PCDHGB2: variants seen among roughly 807,000 people sequenced by gnomAD.
PCDHGB2 encodes the protein protocadherin gamma-B2.
Under a neutral mutation model 59.3 loss-of-function variants are expected in PCDHGB2, and 55 were observed. The ratio of observed to expected loss-of-function variants is 0.93; its 90% CI spans 0.75 to 1.16. The LOEUF (loss-of-function observed/expected upper bound fraction) is 1.16. Ranked by LOEUF, PCDHGB2 falls within the 50% of genes most tolerant of loss-of-function variation. The pLI is 0.00. For missense variants in PCDHGB2, 1,228 were observed against 1,198.5 expected, an observed-to-expected ratio of 1.02 and a Z score of -0.36; for synonymous variants, 516 against 512.0, an observed-to-expected ratio of 1.01 and a Z score of -0.11.
intron 1 of PCDHGB2, chr5:141,414,260 A>G: frequency 6.2e-7 from 1 of 1,613,444 alleles, no homozygotes; most frequent in Non-Finnish European, 8.5e-7. Context: ...CCAGTGACTG[A>G]AGATTCACCT....
chr5:141,411,285 A>C (rs2095477948), intron 1 of PCDHGB2: 1 of 152,218 alleles, frequency 6.6e-6, no homozygotes, highest in South Asian at 2.1e-4. Flanking sequence ...AAAAATATTC[A>C]GAAGACAGGC....
intron 1 of PCDHGB2, chr5:141,433,257 G>T: frequency 7.2e-7 from 1 of 1,385,416 alleles, no homozygotes; most frequent in Non-Finnish European, 9.9e-7. Context: ...GCAGCGGTAC[G>T]ATCATAGCTC....
At position 141,373,993 on chromosome 5, in the gene PCDHGB2, G is replaced by A. The variant is rs1770007177; in HGVS notation, c.2421+11437G>A. ...TCGCATCCGGTCTCTGCTTGTTGAAGGACCTTCACCGCTATTTCTGAGAAG... is the reference window on the plus strand; with the variant it reads ...TCGCATCCGGTCTCTGCTTGTTGAAAGACCTTCACCGCTATTTCTGAGAAG... On this transcript the variant is annotated intron_variant, in intron 1 of 3. Coordinates refer to ENST00000522605, the MANE Select transcript of PCDHGB2 (RefSeq NM_018923.3). 3 of 1,234,728 alleles carry A rather than the reference G, an allele frequency of 2.4e-6. No homozygotes were observed. The Admixed American group carries it at 1.0e-4, about 42-fold the overall frequency. The allele number at this position is 1,234,728 out of a possible 1,614,324, so 76.5% of individuals were successfully genotyped here. A position where few individuals can be genotyped will look rare whatever the true frequency, so the allele number is the denominator to read the frequency against.
chr5:141,418,980 A>T, intron 1 of PCDHGB2: 1 of 1,614,004 alleles, frequency 6.2e-7, no homozygotes. Flanking sequence ...ACACGGGACC[A>T]AGACTCAGGG....
At chr5:141,379,378 A>G (rs1775559732) in intron 1 of PCDHGB2, 1 of 152,234 alleles carries the variant, frequency 6.6e-6, no homozygotes, top group African/African-American at 2.4e-5. Flanking sequence ...TTGATAAAAT[A>G]ACAATTTTAA....
chr5:141,372,404 G>C (rs761162819), intron 1 of PCDHGB2: 4 of 1,613,930 alleles, frequency 2.5e-6, no homozygotes, highest in Admixed American at 3.3e-5. Flanking sequence ...GCTTGCAAGA[G>C]ATACAACCTG....
chr5:141,435,593 G>T (rs183768133), intron 1 of PCDHGB2, among the ~76,000 whole-genome samples: 1 of 152,112 alleles, frequency 6.6e-6, no homozygotes, highest in East Asian at 1.9e-4. Flanking sequence ...CAGTAATATC[G>T]CCTGCTTTTT....
At chr5:141,364,465 CG>C in intron 1 of PCDHGB2, 1 of 1,613,982 alleles carries the variant, frequency 6.2e-7, no homozygotes, top group South Asian at 1.1e-5. Context: ...GCTCCTTCGT[CG>C]GCAACATAGC....
Position 141,485,778 on chromosome 5 carries a change from G to C in PCDHGB2, c.2422-9029G>C. 1 of 1,614,216 alleles carries C rather than the reference G, an allele frequency of 6.2e-7. No homozygotes were observed. Among genetic ancestry groups the C allele is most frequent in the Non-Finnish European group, 8.5e-7 (1 of 1,180,048 alleles). On this transcript the variant is annotated intron_variant, in intron 1 of 3. Transcript: ENST00000522605. The surrounding 1 kb of genome is among the most constrained non-coding windows in gnomAD (Gnocchi z 5.7). ...CTGCTCCTGGAGAAGCCTTTGGATCGAGAGAAGCAATCGGACTACCGCCTG... is the reference window on the plus strand; with the variant it reads ...CTGCTCCTGGAGAAGCCTTTGGATCCAGAGAAGCAATCGGACTACCGCCTG...
chr5:141,380,910 A>G (rs1776848535), intron 1 of PCDHGB2, among the ~76,000 whole-genome samples: 1 of 152,262 alleles, frequency 6.6e-6, no homozygotes, highest in South Asian at 2.1e-4. Context: ...ACAAGTGCTT[A>G]CATTGTTTAA....
intron 1 of PCDHGB2, chr5:141,398,722 A>T: frequency 1.9e-6 from 3 of 1,613,816 alleles, no homozygotes; most frequent in Non-Finnish European, 2.5e-6. Context: ...ACTGGAGAAA[A>T]CCTTAGACCG....
rs373516334 is a variant in PCDHGB2 at position 141,414,175 on chromosome 5, A to G, written c.2421+51619A>G. On this transcript the variant is annotated intron_variant, in intron 1 of 3. Transcript: ENST00000522605. ...AGAAGATGGAGGAGCATATCTTGCA[A>G]CTGCAAAAGTGTTGATTACAGTAGA... 1.6e-5 allele frequency: 25 copies of G among 1,607,698 alleles called. No homozygotes were observed. The highest frequency in any genetic ancestry group is 1.3e-4 in the South Asian group (12 of 90,242).
intron 1 of PCDHGB2, chr5:141,409,073 A>G (rs200127436): frequency 6.2e-7 from 1 of 1,613,866 alleles, no homozygotes. Context: ...CACAAAACAT[A>G]TGTTCTCATT....
rs752660538 is a variant in PCDHGB2 at position 141,486,495 on chromosome 5, T to C, written c.2422-8312T>C. 1 of 1,614,074 alleles carries C rather than the reference T, an allele frequency of 6.2e-7. No individual in the cohort carries two copies. The highest frequency in any genetic ancestry group is 8.5e-7 in the Non-Finnish European group (1 of 1,179,922). On this transcript the variant is annotated intron_variant, in intron 1 of 3. Transcript: ENST00000522605. The surrounding 1 kb of genome is among the most constrained non-coding windows in gnomAD (Gnocchi z 5.0). ...CCTCCTCTCAGTACCCACAGAACTA[T>C]TTTCCTCAATATTTCAGATGTGAAT...
intron 1 of PCDHGB2, chr5:141,378,088 T>C (rs1218204650): frequency 6.6e-6 from 1 of 152,252 alleles, no homozygotes; most frequent in Non-Finnish European, 1.5e-5. Flanking sequence ...TTATAACTTT[T>C]TTTCAAACTC....
intron 1 of PCDHGB2, chr5:141,419,727 C>G (rs1344063538): frequency 6.2e-7 from 1 of 1,613,582 alleles, no homozygotes; most frequent in Admixed American, 1.7e-5. Flanking sequence ...GGGCTGCGAA[C>G]AGGCGAGGTG....
chr5:141,477,184 C>T lies in PCDHGB2; in HGVS notation c.2422-17623C>T. On this transcript the variant is annotated intron_variant, in intron 1 of 3. Coordinates refer to ENST00000522605, the MANE Select transcript of PCDHGB2 (RefSeq NM_018923.3). The surrounding 1 kb of genome is among the most constrained non-coding windows in gnomAD (Gnocchi z 4.9). ...ACGCCCCGGAGATCACAGTCACCTC[C>T]GTGTACAGCCCAGTACCCGAGGATG... The T allele has an allele frequency of 3.7e-6, 6 of 1,614,178 alleles. No individual in the cohort carries two copies. Among genetic ancestry groups the T allele is most frequent in the Non-Finnish European group, 5.1e-6 (6 of 1,180,032 alleles).
At chr5:141,494,161 T>G (rs1420295862) in intron 1 of PCDHGB2, among the ~76,000 whole-genome samples, 3 of 152,052 alleles carry the variant, frequency 2.0e-5, no homozygotes, top group African/African-American at 7.3e-5. Flanking sequence ...TGGCACGGAG[T>G]TCTAGGGGTG....
intron 1 of PCDHGB2, chr5:141,377,269 TG>T (rs1449007533): frequency 2.1e-5 from 3 of 142,478 alleles, no homozygotes; most frequent in Non-Finnish European, 4.5e-5. Context: ...TTTTCTAATG[TG>T]GGAAAAAAAA....
Sources: gnomAD v4.1 joint callset for allele counts (sites outside exome capture counted in the v4.1 genomes callset) on GRCh38, gnomAD v4.1.1 for gene constraint, Gnocchi (gnomAD v3.1) non-coding constraint, MANE v1.5 for transcripts, NCBI Gene and HGNC (gene_info 2026-07-23, HGNC 2026-07-21) for gene names.